DEFB119: variants seen among roughly 807,000 people sequenced by gnomAD.
DEFB119 encodes defensin beta 119, also known as beta-defensin 119.
Under a neutral mutation model 2.5 loss-of-function variants are expected in DEFB119, and 3 were observed. The ratio of observed to expected loss-of-function variants is 1.19; its 90% CI spans 0.54 to 3.07. DEFB119 has a LOEUF of 3.07. Ranked by LOEUF, DEFB119 falls within the 30% of genes most tolerant of loss-of-function variation. The pLI, the probability that DEFB119 is intolerant of heterozygous loss-of-function variation, is 0.03. For synonymous variants in DEFB119, 29 were observed against 33.7 expected, an observed-to-expected ratio of 0.86 and a Z score of 0.48; for missense variants, 113 against 101.1, an observed-to-expected ratio of 1.12 and a Z score of -0.50.
intron 1 of DEFB119, among the ~76,000 whole-genome samples, chr20:31,380,256 T>C (rs926677423): frequency 1.3e-5 from 2 of 152,132 alleles, no homozygotes; most frequent in Non-Finnish European, 2.9e-5. Flanking sequence ...TATTTAAATA[T>C]ATATTCCTTT....
intron 1 of DEFB119, among the ~76,000 whole-genome samples, chr20:31,389,907 G>T (rs1424429251): frequency 6.6e-6 from 1 of 151,776 alleles, no homozygotes; most frequent in African/African-American, 2.4e-5. Context: ...CAATCACCCT[G>T]CAGCATCCAG....
At chr20:31,386,573 AC>A (rs1311999212) in intron 1 of DEFB119, among the ~76,000 whole-genome samples, 1 of 152,190 alleles carries the variant, frequency 6.6e-6, no homozygotes, top group Admixed American at 6.5e-5. Flanking sequence ...GATAAATATT[AC>A]TTGTTCTCAC....
intron 1 of DEFB119, chr20:31,378,361 T>A (rs1457380965): frequency 1.9e-6 from 3 of 1,614,002 alleles, no homozygotes; most frequent in African/African-American, 1.3e-5. Flanking sequence ...CCTGGCAGTA[T>A]CCAGGCAGCA....
rs757316158 is a variant in DEFB119 at position 31,377,449 on chromosome 20, G to GA, written c.62-11dup. ...AGGATGTGGCGTTTGCCTGCCAAAG[G>GA]AAAAAAAATACAAATAGTTAATTCA... On this transcript the variant is annotated splice_polypyrimidine_tract_variant and intron_variant, in intron 1 of 1. Coordinates refer to ENST00000376321, the MANE Select transcript of DEFB119 (RefSeq NM_153289.4). 233 of 1,595,460 alleles carry GA rather than the reference G, an allele frequency of 1.5e-4. No individual in the cohort carries two copies. Among genetic ancestry groups the GA allele is most frequent in the East Asian group, 9.0e-5 (4 of 44,646 alleles).
chr20:31,390,607 A>G, upstream of DEFB119: 1 of 893,916 alleles, frequency 1.1e-6, no homozygotes, highest in Non-Finnish European at 1.8e-6. Flanking sequence ...TTAGAACAGG[A>G]GGGGATTTAT....
chr20:31,384,463 A>T (rs1986616299), intron 1 of DEFB119, among the ~76,000 whole-genome samples: 1 of 152,210 alleles, frequency 6.6e-6, no homozygotes, highest in African/African-American at 2.4e-5. Context: ...TTTAAGATAA[A>T]AAAAATTCAC....
intron 1 of DEFB119, among the ~76,000 whole-genome samples, chr20:31,381,740 G>A (rs1261994728): frequency 6.6e-6 from 1 of 152,126 alleles, no homozygotes; most frequent in African/African-American, 2.4e-5. Flanking sequence ...GAGCCCAGGA[G>A]GCAGAGGTTA....
intron 1 of DEFB119, among the ~76,000 whole-genome samples, chr20:31,384,877 C>G (rs1413722849): frequency 6.6e-6 from 1 of 152,014 alleles, no homozygotes; most frequent in African/African-American, 2.4e-5. Flanking sequence ...TTTTTGTTTT[C>G]AACCTAACCT....
intron 1 of DEFB119, among the ~76,000 whole-genome samples, chr20:31,386,114 C>A (rs577193468): frequency 2.7e-5 from 4 of 150,838 alleles, no homozygotes; most frequent in Admixed American, 2.0e-4. Flanking sequence ...ACCGGGTCAC[C>A]ACGTGAGGGC....
At chr20:31,380,705 T>C (rs1248906463) in intron 1 of DEFB119, among the ~76,000 whole-genome samples, 1 of 152,200 alleles carries the variant, frequency 6.6e-6, no homozygotes. Flanking sequence ...GAATTGCTTT[T>C]GCACCTCTGT....
At chr20:31,389,060 C>A in intron 1 of DEFB119, 1 of 1,614,156 alleles carries the variant, frequency 6.2e-7, no homozygotes, top group Non-Finnish European at 8.5e-7. Context: ...ATTTTTGGAG[C>A]TGTTGTGGAC....
chr20:31,379,975 A>G (rs1986449037), intron 1 of DEFB119, among the ~76,000 whole-genome samples: 1 of 152,104 alleles, frequency 6.6e-6, no homozygotes, highest in African/African-American at 2.4e-5. Flanking sequence ...AATACTGTTG[A>G]GTCTTAAGAG....
intron 1 of DEFB119, among the ~76,000 whole-genome samples, chr20:31,386,995 A>G (rs929510003): frequency 1.9e-4 from 29 of 151,754 alleles, no homozygotes; most frequent in African/African-American, 7.0e-4. Flanking sequence ...TAGTAGAGAC[A>G]GGGTTTCACC....
chr20:31,386,142 C>G (rs936503747), intron 1 of DEFB119, among the ~76,000 whole-genome samples: 1 of 151,978 alleles, frequency 6.6e-6, no homozygotes, highest in Non-Finnish European at 1.5e-5. Flanking sequence ...GTCTGGACCC[C>G]GGGTGGTGAT....
chr20:31,388,105 T>TAAAG (rs1986781038), intron 1 of DEFB119: 1 of 985,240 alleles, frequency 1.0e-6, no homozygotes, highest in Non-Finnish European at 1.2e-6. Flanking sequence ...GACTTGAGAA[T>TAAAG]AAAGTCTGGG....
In DEFB119 at chr20:31,382,601, G is replaced by A. The variant is rs117268165; in HGVS notation, c.62-5162C>T. ...TGCTAACCCTGCCAGCCAGAACCAC[G>A]TAGACCTAACACAGTGGTCCTCTGC... On this transcript the variant is annotated intron_variant, in intron 1 of 1. Transcript: ENST00000376321. Among the ~76,000 whole-genome samples the A allele has an allele frequency of 4.5e-3, 688 of 152,266 alleles. 13 individuals carry two copies. Among genetic ancestry groups the A allele is most frequent in the Admixed American group, 0.033 (501 of 15,292 alleles).
chr20:31,377,434 G>A lies in DEFB119; in HGVS notation c.67C>T (p.Arg23Cys), dbSNP rs150495779. The A allele has an allele frequency of 2.5e-5, 41 of 1,609,374 alleles. No individual in the cohort carries two copies. In the Middle Eastern group the frequency reaches 5.0e-4, roughly 20 times the overall value. Reference protein sequence around the residue: ...AIEEPVISGKRHILRCMGNSG... With the variant: ...AIEEPVISGKCHILRCMGNSG... ...TTACCCATGCATCGAAGGATGTGGC[G>A]TTTGCCTGCCAAAGGAAAAAAAATA... Residue 23 changes from arginine to cysteine, a missense_variant, in exon 2 of 2, where the codon CGC becomes TGC. Transcript: ENST00000376321.
chr20:31,380,154 G>A (rs771509764), intron 1 of DEFB119, among the ~76,000 whole-genome samples: 22 of 152,222 alleles, frequency 1.4e-4, no homozygotes, highest in South Asian at 8.3e-4. Flanking sequence ...TTTCTAGGTT[G>A]TTCTTTTGTA....
intron 1 of DEFB119, chr20:31,388,094 G>A (rs1986780592): frequency 2.0e-6 from 2 of 985,374 alleles, no homozygotes; most frequent in Non-Finnish European, 2.4e-6. Flanking sequence ...CCAGAGAATA[G>A]GACTTGAGAA....
Sources: gnomAD v4.1 joint callset for allele counts (sites outside exome capture counted in the v4.1 genomes callset) on GRCh38, gnomAD v4.1.1 for gene constraint, MANE v1.5 for transcripts, NCBI Gene and HGNC (gene_info 2026-07-23, HGNC 2026-07-21) for gene names.